Variants in FUT8 observed in about 807,000 individuals in gnomAD.
FUT8 encodes alpha-(1,6)-fucosyltransferase.
FUT8 carries 29 observed loss-of-function variants against 71.3 expected under a neutral mutation model. That is an observed-to-expected ratio of 0.41 (90% CI 0.30 to 0.55). FUT8 has a LOEUF of 0.55. FUT8 is among the 20% of genes least tolerant of loss of function. FUT8 has a pLI of 0.34. For synonymous variants in FUT8, 254 were observed against 239.3 expected (o/e 1.06, Z -0.57); for missense variants, 544 against 702.1 (o/e 0.77, Z 2.55).
the FUT8 span, among the ~76,000 whole-genome samples, chr14:65,388,393 C>G: frequency 6.6e-6 from 1 of 152,166 alleles, no homozygotes; most frequent in Non-Finnish European, 1.5e-5. Flanking sequence ...TGTTGACTAT[C>G]TTAGTGGCAC....
Position 65,483,954 on chromosome 14 carries a change from C to T in FUT8, c.-228+28236C>T, listed in dbSNP as rs951761930. 6.6e-6 allele frequency among the ~76,000 whole-genome samples: 1 copy of T among 152,184 alleles called. No individual in the cohort carries two copies. The highest frequency in any genetic ancestry group is 2.4e-5 in the African/African-American group (1 of 41,456). On this transcript the variant is annotated intron_variant, in intron 2 of 10. Transcript: ENST00000673929. The surrounding 1 kb of genome is among the most constrained non-coding windows in gnomAD (Gnocchi z 4.4). ...TCTTGGCCAGGCTGGTCTCGAACTC[C>T]TGACCTCAAGTATCTGCCCTCCTCG...
chr14:65,645,077 C>T (rs1404388963), intron 6 of FUT8, among the ~76,000 whole-genome samples: 2 of 152,180 alleles, frequency 1.3e-5, no homozygotes, highest in Admixed American at 6.5e-5. Flanking sequence ...GCCACCTTGG[C>T]TGAAATTACG....
intron 3 of FUT8, among the ~76,000 whole-genome samples, chr14:65,576,743 AG>A (rs1336287816): frequency 3.2e-5 from 3 of 93,808 alleles, no homozygotes; most frequent in African/African-American, 4.9e-5. Context: ...TTTTTGAGAC[AG>A]AGTCTAGCTT....
intron 2 of FUT8, among the ~76,000 whole-genome samples, chr14:65,559,142 T>C (rs1431948146): frequency 6.6e-6 from 1 of 152,188 alleles, no homozygotes; most frequent in African/African-American, 2.4e-5. Context: ...TGTTTCAGCA[T>C]GTCTTTTTAT....
intron 2 of FUT8, among the ~76,000 whole-genome samples, chr14:65,478,742 A>G (rs985616442): frequency 1.3e-5 from 2 of 152,106 alleles, no homozygotes; most frequent in African/African-American, 4.8e-5. Context: ...GTGTCTTTCC[A>G]CTCTGACCAA....
At chr14:65,715,063 CTTTA>C (rs1894984273) in intron 7 of FUT8, among the ~76,000 whole-genome samples, 1 of 152,122 alleles carries the variant, frequency 6.6e-6, no homozygotes, top group Non-Finnish European at 1.5e-5. Flanking sequence ...TTTGGACACC[CTTTA>C]TTTCTTTCTG....
At chr14:65,465,393 A>C (rs1463281087) in intron 2 of FUT8, among the ~76,000 whole-genome samples, 4 of 152,144 alleles carry the variant, frequency 2.6e-5, no homozygotes, top group Non-Finnish European at 4.4e-5. Flanking sequence ...GCTGGTCTAG[A>C]GCTCCTAGCC....
chr14:65,435,086 A>G (rs924753113), intron 1 of FUT8, among the ~76,000 whole-genome samples: 12 of 152,178 alleles, frequency 7.9e-5, no homozygotes, highest in Admixed American at 6.5e-4. Flanking sequence ...TCTGAGGGAA[A>G]TTAGTTCCAA....
chr14:65,412,368 C>T (rs1256211296), upstream of FUT8: 3 of 455,228 alleles, frequency 6.6e-6, no homozygotes, highest in East Asian at 7.0e-5. Context: ...TGAGCTGGCA[C>T]GGGCCGGTCC....
In FUT8 at chr14:65,669,369, A is replaced by G. The variant is rs780167793; in HGVS notation, c.724A>G (p.Ile242Val). The G allele has an allele frequency of 6.2e-7, 1 of 1,613,844 alleles. No individual in the cohort carries two copies. The highest frequency in any genetic ancestry group is 1.1e-5 in the South Asian group (1 of 91,076). The change falls in exon 7 of 11, where the codon ATC becomes GTC. Residue 242 changes from isoleucine to valine, a missense_variant. Physicochemically the swap from Ile to Val is conservative, Grantham distance 29. Transcript: ENST00000673929. This position sits in a 1 kb window ranked among gnomAD's most constrained non-coding sequence, Gnocchi z 4.5. ...TGCATATGGCACCCAGCGAACACTC[A>G]TCTTGGAATCTCAGAATTGGCGCTA... Reference protein sequence around the residue: ...MIAYGTQRTLILESQNWRYAT... With the variant: ...MIAYGTQRTLVLESQNWRYAT...
At chr14:65,573,736 A>T (rs970971616) in intron 3 of FUT8, among the ~76,000 whole-genome samples, 1 of 92,676 alleles carries the variant, frequency 1.1e-5, no homozygotes, top group East Asian at 3.7e-4. Context: ...CCCCATGTCT[A>T]AAAAAAAAAA....
At chr14:65,702,678 T>G (rs1007385880) in intron 7 of FUT8, among the ~76,000 whole-genome samples, 1 of 152,096 alleles carries the variant, frequency 6.6e-6, no homozygotes, top group African/African-American at 2.4e-5. Flanking sequence ...GGTAAGATGT[T>G]GTGGCCTACT....
chr14:65,730,338 A>T (rs1895910767), intron 9 of FUT8, among the ~76,000 whole-genome samples: 1 of 152,170 alleles, frequency 6.6e-6, no homozygotes, highest in Non-Finnish European at 1.5e-5. Flanking sequence ...TGATTGGTTA[A>T]TGCTTTGTGG....
At chr14:65,569,046 A>T (rs1243111862) in intron 3 of FUT8, among the ~76,000 whole-genome samples, 1 of 151,842 alleles carries the variant, frequency 6.6e-6, no homozygotes, top group East Asian at 1.9e-4. Flanking sequence ...AAAGCATTTA[A>T]AACATGTCAT....
At chr14:65,420,267 T>A (rs2065273814) in intron 1 of FUT8, among the ~76,000 whole-genome samples, 1 of 152,138 alleles carries the variant, frequency 6.6e-6, no homozygotes, top group South Asian at 2.1e-4. Context: ...AAAGAACACA[T>A]CCTTTTTTTA....
chr14:65,692,172 G>A (rs1392873177), intron 7 of FUT8, among the ~76,000 whole-genome samples: 1 of 151,914 alleles, frequency 6.6e-6, no homozygotes, highest in African/African-American at 2.4e-5. Flanking sequence ...TTCCCAGTAG[G>A]GGTGGCCGGG....
the FUT8 span, among the ~76,000 whole-genome samples, chr14:65,371,395 C>T: frequency 6.6e-6 from 1 of 152,232 alleles, no homozygotes. Context: ...GTATTACTAT[C>T]ATTCAATATT....
intron 2 of FUT8, among the ~76,000 whole-genome samples, chr14:65,539,969 C>T (rs552235634): frequency 2.0e-5 from 3 of 152,238 alleles, no homozygotes; most frequent in South Asian, 4.1e-4. Flanking sequence ...AGATCATGTG[C>T]AAGATATGGT....
intron 2 of FUT8, among the ~76,000 whole-genome samples, chr14:65,509,934 T>C (rs576453436): frequency 6.6e-6 from 1 of 152,156 alleles, no homozygotes; most frequent in Non-Finnish European, 1.5e-5. Flanking sequence ...TATCTTTCTC[T>C]TGTCTAATTG....
Sources: gnomAD v4.1 joint callset for allele counts (sites outside exome capture counted in the v4.1 genomes callset) on GRCh38, gnomAD v4.1.1 for gene constraint, Gnocchi (gnomAD v3.1) non-coding constraint, MANE v1.5 for transcripts, NCBI Gene and HGNC (gene_info 2026-07-23, HGNC 2026-07-21) for gene names.